OLFM1: variants seen among roughly 807,000 people sequenced by gnomAD.
The protein encoded by OLFM1 is olfactomedin 1, also known as noelin.
Under a neutral mutation model 49.7 loss-of-function variants are expected in OLFM1, and 9 were observed. The observed-to-expected ratio is 0.18, with a 90% CI of 0.11 to 0.32. The LOEUF is 0.32. OLFM1 is among the 10% of genes least tolerant of loss of function. The probability of loss-of-function intolerance (pLI) is 1.00; values close to 1 mark genes in which losing one functional copy is unlikely to be tolerated. For missense variants in OLFM1, 369 were observed against 661.8 expected (o/e 0.56, Z 4.85); for synonymous variants, 240 against 271.8 (o/e 0.88, Z 1.15).
chr9:135,095,577 C>T (rs944257177), intron 2 of OLFM1, among the ~76,000 whole-genome samples: 4 of 151,422 alleles, frequency 2.6e-5, no homozygotes, highest in African/African-American at 9.7e-5. Flanking sequence ...GTGCCTGGAG[C>T]TACAGCGAAT....
chr9:135,086,515 C>T (rs1830599066), upstream of OLFM1: 1 of 416,200 alleles, frequency 2.4e-6, no homozygotes, highest in South Asian at 1.7e-5. Context: ...AAATCCCATC[C>T]AGGAAGGGAG....
chr9:135,076,327 C>T (rs1414503418), intron 1 of OLFM1: 1 of 1,549,740 alleles, frequency 6.5e-7, no homozygotes, highest in Middle Eastern at 1.7e-4. Context: ...GCGTGCCGGC[C>T]AGCTGTGTGC....
At chr9:135,104,972 A>G (rs1830921056) in intron 4 of OLFM1, among the ~76,000 whole-genome samples, 1 of 152,090 alleles carries the variant, frequency 6.6e-6, no homozygotes, top group African/African-American at 2.4e-5. Flanking sequence ...TCGTCCCCAT[A>G]GACGCCGGTC....
At chr9:135,114,405 A>G (rs572357298) in intron 5 of OLFM1, among the ~76,000 whole-genome samples, 19 of 152,150 alleles carry the variant, frequency 1.2e-4, no homozygotes, top group African/African-American at 4.3e-4. Context: ...GTAAGCCCCC[A>G]TGCCCAGCCG....
Position 135,117,906 on chromosome 9 carries a change from C to G in OLFM1, c.784-1598C>G, listed in dbSNP as rs1026203996. ...AACTGTGTGTTCCCATCTCACCTTC[C>G]CACTAGACCCTTTCTTCAAACTGGG... On this transcript the variant is annotated intron_variant, in intron 5 of 5. Transcript: ENST00000371793. The surrounding 1 kb of genome is among the most constrained non-coding windows in gnomAD (Gnocchi z 5.5). Among the ~76,000 whole-genome samples, 5 of 152,236 alleles carry G rather than the reference C, an allele frequency of 3.3e-5. No individual in the cohort carries two copies. Among genetic ancestry groups the G allele is most frequent in the African/African-American group, 1.2e-4 (5 of 41,466 alleles).
chr9:135,095,784 CA>C lies in OLFM1; in HGVS notation c.301-78del, dbSNP rs1330182678. 1.1e-5 allele frequency: 16 copies of C among 1,477,770 alleles called. No homozygotes were observed. The Admixed American group carries it at 1.4e-4, about 13-fold the overall frequency. 91.5% of individuals were successfully genotyped at this position (1,477,770 alleles called of 1,614,324 possible). On this transcript the variant is annotated intron_variant, in intron 2 of 5. Transcript: ENST00000371793. ...AGTGTGCTGGCTGTGTGGGAAAGGG[CA>C]ATGTCTGTACGAGCAGGCAGAGAAG...
chr9:135,076,588 G>A, intron 1 of OLFM1: 2 of 1,072,256 alleles, frequency 1.9e-6, no homozygotes, highest in Admixed American at 5.8e-5. Context: ...GGGTTGCTTT[G>A]GCACTATGGT....
chr9:135,077,334 G>A, intron 1 of OLFM1: 3 of 1,341,190 alleles, frequency 2.2e-6, no homozygotes, highest in South Asian at 4.2e-5. Context: ...GGCCCTCCAA[G>A]CCTTAATGGC....
At chr9:135,086,048 A>C (rs1387195625), upstream of OLFM1, among the ~76,000 whole-genome samples, 4 of 152,238 alleles carry the variant, frequency 2.6e-5, no homozygotes, top group African/African-American at 9.6e-5. Context: ...TTCCCGCAGA[A>C]CAAGTGGTCC....
chr9:135,091,907 A>ACACC (rs1564271345), intron 2 of OLFM1, among the ~76,000 whole-genome samples: 1 of 148,342 alleles, frequency 6.7e-6, no homozygotes, highest in East Asian at 2.0e-4. Flanking sequence ...TCACACACAC[A>ACACC]CACACATAGT....
upstream of OLFM1, among the ~76,000 whole-genome samples, chr9:135,085,669 CT>C (rs1564267492): frequency 6.6e-6 from 1 of 152,276 alleles, no homozygotes; most frequent in East Asian, 1.9e-4. Flanking sequence ...TGAAAGTCCT[CT>C]TTAGGAACAC....
At chr9:135,096,347 C>T (rs976888029) in intron 3 of OLFM1, among the ~76,000 whole-genome samples, 1 of 151,706 alleles carries the variant, frequency 6.6e-6, no homozygotes, top group African/African-American at 2.4e-5. Flanking sequence ...CCTCCTCCCT[C>T]TCCTTCTTCT....
chr9:135,089,477 T>C (rs564158673), intron 1 of OLFM1, among the ~76,000 whole-genome samples: 1 of 152,218 alleles, frequency 6.6e-6, no homozygotes, highest in East Asian at 1.9e-4. Context: ...TTGGTGATCT[T>C]TGGGCAAACC....
At chr9:135,107,987 G>A (rs1830969151) in intron 5 of OLFM1, among the ~76,000 whole-genome samples, 1 of 152,182 alleles carries the variant, frequency 6.6e-6, no homozygotes, top group South Asian at 2.1e-4. Flanking sequence ...GGCTGGGGAG[G>A]GGAGGGGGAC....
chr9:135,120,208 G>C lies in OLFM1; in HGVS notation c.*30G>C. The C allele has an allele frequency of 1.3e-6, 2 of 1,570,130 alleles. No individual in the cohort carries two copies. On this transcript the variant is annotated 3_prime_UTR_variant, in exon 6 of 6. Coordinates refer to ENST00000371793, the MANE Select transcript of OLFM1 (RefSeq NM_001282611.2). Reference sequence around the variant, plus strand: ...CTCCTCCTGGAAGCCAAGGGCCCACGTCCTCACCACAAAGGGACTCCTGTG... The same window carrying C: ...CTCCTCCTGGAAGCCAAGGGCCCACCTCCTCACCACAAAGGGACTCCTGTG...
chr9:135,091,550 C>T (rs1830689480), intron 2 of OLFM1, among the ~76,000 whole-genome samples: 1 of 125,356 alleles, frequency 8.0e-6, no homozygotes, highest in African/African-American at 3.5e-5. Context: ...CACATAGTCA[C>T]ACACTCATAG....
intron 5 of OLFM1, among the ~76,000 whole-genome samples, chr9:135,118,494 C>T (rs929769840): frequency 1.4e-5 from 2 of 147,690 alleles, no homozygotes; most frequent in Non-Finnish European, 3.0e-5. Context: ...CTCACTGGGT[C>T]TTTGGAGTGC....
chr9:135,092,036 G>A (rs1406658564), intron 2 of OLFM1, among the ~76,000 whole-genome samples: 1 of 152,252 alleles, frequency 6.6e-6, no homozygotes, highest in African/African-American at 2.4e-5. Context: ...GGGGCGGGGG[G>A]CCTCTGTGAC....
Position 135,094,806 on chromosome 9 carries a change from G to A in OLFM1, c.301-1058G>A, listed in dbSNP as rs1002389783. ...ACACTGTCCTCTTTTCACACTGACC[G>A]GCAAAGCTAAGCCTCATCCCCAAAT... is the stretch of plus-strand genomic sequence containing the variant. On this transcript the variant is annotated intron_variant, in intron 2 of 5. Coordinates refer to ENST00000371793, the MANE Select transcript of OLFM1 (RefSeq NM_001282611.2). 6.6e-5 allele frequency among the ~76,000 whole-genome samples: 10 copies of A among 152,130 alleles called. 1 individual carries two copies. The highest frequency in any genetic ancestry group is 4.6e-4 in the Admixed American group (7 of 15,278).
Sources: gnomAD v4.1 joint callset for allele counts (sites outside exome capture counted in the v4.1 genomes callset) on GRCh38, gnomAD v4.1.1 for gene constraint, Gnocchi (gnomAD v3.1) non-coding constraint, MANE v1.5 for transcripts, NCBI Gene and HGNC (gene_info 2026-07-23, HGNC 2026-07-21) for gene names.